The following RBFOX1 variants were observed in gnomAD, a reference collection of about 807,000 sequenced individuals.
RBFOX1 encodes the protein RNA binding protein fox-1 homolog 1.
A neutral mutation model predicts 57.7 loss-of-function variants in RBFOX1; 8 were observed. That is an observed-to-expected ratio of 0.14 (90% CI 0.08 to 0.25). The LOEUF is 0.25. RBFOX1 is among the 10% of genes least tolerant of loss of function. The pLI is 1.00. For synonymous variants in RBFOX1, 326 were observed against 222.4 expected, an observed-to-expected ratio of 1.47 and a Z score of -4.15; for missense variants, 611 against 548.5, an observed-to-expected ratio of 1.11 and a Z score of -1.14.
rs545823233 is a variant in RBFOX1 at position 6,318,908 on chromosome 16, A to G, written c.-64+1851A>G. Among the ~76,000 whole-genome samples, 126 of 151,926 alleles carry G rather than the reference A, an allele frequency of 8.3e-4. No homozygotes were observed. In the Middle Eastern group the frequency reaches 0.01, roughly 12 times the overall value. On this transcript the variant is annotated intron_variant, in intron 2 of 15. Coordinates refer to ENST00000550418, the MANE Select transcript of RBFOX1 (RefSeq NM_018723.4). ...CTCTTAGTGTATCTAGTAGGTTTCC[A>G]TCCTGTCCTTGGGATTGCAGCTTCT...
chr16:5,463,529 G>T (rs1298614940), intron 1 of RBFOX1, among the ~76,000 whole-genome samples: 3 of 152,192 alleles, frequency 2.0e-5, no homozygotes, highest in African/African-American at 7.2e-5. Flanking sequence ...GCCGGGCGTG[G>T]TGGGTCGTGT....
rs150925291 is a variant in RBFOX1, at chr16:5,559,421, C to T, written c.259-39481C>T. ...AAATATGGCAGCTAATAGGCTAATACATGAGGAAATAGACTTATTTACATA... is the reference window on the plus strand; with the variant it reads ...AAATATGGCAGCTAATAGGCTAATATATGAGGAAATAGACTTATTTACATA... On this transcript the variant is annotated intron_variant, in intron 2 of 2. Transcript: ENST00000585867. Among the ~76,000 whole-genome samples, 296 of 152,256 alleles carry T rather than the reference C, an allele frequency of 1.9e-3. 4 individuals carry two copies. Among genetic ancestry groups the T allele is most frequent in the African/African-American group, 6.0e-3 (251 of 41,562 alleles).
intron 3 of RBFOX1, among the ~76,000 whole-genome samples, chr16:6,987,030 G>T (rs1028665035): frequency 3.9e-5 from 6 of 152,066 alleles, no homozygotes; most frequent in Admixed American, 3.9e-4. Flanking sequence ...AATGAAACTT[G>T]CAAATAAGGC....
chr16:6,644,924 AT>A (rs1302313401), intron 2 of RBFOX1, among the ~76,000 whole-genome samples: 20 of 152,236 alleles, frequency 1.3e-4, no homozygotes, highest in African/African-American at 4.6e-4. Context: ...CTCTGTATTT[AT>A]TTTCTATGAC....
chr16:7,018,811 A>G (rs2094050696), intron 3 of RBFOX1, among the ~76,000 whole-genome samples: 2 of 151,826 alleles, frequency 1.3e-5, no homozygotes, highest in African/African-American at 4.8e-5. Flanking sequence ...AAGAAATACA[A>G]CGTCTACAGA....
At chr16:6,659,136 C>T (rs1213825702) in intron 3 of RBFOX1, among the ~76,000 whole-genome samples, 2 of 151,828 alleles carry the variant, frequency 1.3e-5, no homozygotes, top group African/African-American at 2.4e-5. Flanking sequence ...GTGTAAAATC[C>T]ACCTGAATTT....
intron 4 of RBFOX1, among the ~76,000 whole-genome samples, chr16:7,114,337 G>T (rs2065423864): frequency 6.6e-6 from 1 of 152,162 alleles, no homozygotes; most frequent in African/African-American, 2.4e-5. Context: ...CTGCCATTTT[G>T]CTATGGAGGT....
chr16:6,408,723 G>T (rs1356067547), intron 2 of RBFOX1, among the ~76,000 whole-genome samples: 1 of 152,126 alleles, frequency 6.6e-6, no homozygotes, highest in Non-Finnish European at 1.5e-5. Flanking sequence ...AAGGCAAAGG[G>T]CATGGCATTA....
intron 3 of RBFOX1, among the ~76,000 whole-genome samples, chr16:6,861,490 C>G (rs74007781): frequency 0.063 from 9,470 of 150,810 alleles, 1,078 homozygotes; most frequent in African/African-American, 0.22. Flanking sequence ...AACCCCCTCC[C>G]CCCCCGACTC....
At chr16:7,525,378 G>T (rs571145401) in intron 5 of RBFOX1, among the ~76,000 whole-genome samples, 2 of 152,146 alleles carry the variant, frequency 1.3e-5, no homozygotes, top group South Asian at 4.2e-4. Context: ...TTGCACTGTT[G>T]ATATTTACCA....
intron 4 of RBFOX1, among the ~76,000 whole-genome samples, chr16:7,212,159 C>A (rs1026044578): frequency 1.3e-5 from 2 of 152,110 alleles, no homozygotes; most frequent in African/African-American, 4.8e-5. Flanking sequence ...GTGGCAGATC[C>A]GGGAGGACTG....
intron 3 of RBFOX1, among the ~76,000 whole-genome samples, chr16:6,912,834 A>G (rs1017371074): frequency 6.6e-6 from 1 of 151,820 alleles, no homozygotes; most frequent in African/African-American, 2.4e-5. Context: ...TGCCCAGGCT[A>G]GACTCAAACT....
chr16:6,821,450 C>G (rs550744021), intron 3 of RBFOX1, among the ~76,000 whole-genome samples: 1 of 152,300 alleles, frequency 6.6e-6, no homozygotes, highest in African/African-American at 2.4e-5. Context: ...TTCAGTGGCA[C>G]ATAGTGCATT....
chr16:5,753,159 TAA>T (rs879756408), intron 3 of RBFOX1, among the ~76,000 whole-genome samples: 1 of 144,648 alleles, frequency 6.9e-6, no homozygotes. Context: ...AACCTTGTCT[TAA>T]AAAAAAAAAA....
intron 1 of RBFOX1, among the ~76,000 whole-genome samples, chr16:5,388,652 C>T (rs1277361252): frequency 6.6e-6 from 1 of 152,032 alleles, no homozygotes; most frequent in Admixed American, 6.5e-5. Flanking sequence ...TCTCAGCTCA[C>T]TGCAACCTCC....
At chr16:7,087,826 T>C (rs2060221227) in intron 4 of RBFOX1, among the ~76,000 whole-genome samples, 1 of 152,176 alleles carries the variant, frequency 6.6e-6, no homozygotes, top group African/African-American at 2.4e-5. Context: ...GACAGAGCCC[T>C]TGATTTCTCT....
chr16:7,243,773 C>G (rs550120300), intron 4 of RBFOX1, among the ~76,000 whole-genome samples: 2 of 151,996 alleles, frequency 1.3e-5, no homozygotes. Context: ...TGGTCTTGAA[C>G]TTTTAGGCTC....
chr16:6,570,999 T>C (rs542550729), intron 2 of RBFOX1, among the ~76,000 whole-genome samples: 4 of 152,110 alleles, frequency 2.6e-5, no homozygotes, highest in Non-Finnish European at 5.9e-5. Context: ...TTACTAAATA[T>C]AGACTCCTGT....
intron 2 of RBFOX1, among the ~76,000 whole-genome samples, chr16:6,432,649 T>C (rs545653599): frequency 4.6e-5 from 7 of 152,010 alleles, no homozygotes; most frequent in Non-Finnish European, 1.0e-4. Context: ...AGCACTGCAT[T>C]CCAGGCTGAG....
Sources: allele counts gnomAD v4.1 joint callset (sites outside exome capture counted in the v4.1 genomes callset), GRCh38; gene constraint gnomAD v4.1.1; transcripts MANE v1.5; gene names NCBI Gene and HGNC (gene_info 2026-07-23, HGNC 2026-07-21).